Variants in ANO2 observed in about 807,000 individuals in gnomAD.
ANO2 encodes the protein anoctamin-2.
In ANO2, 101 loss-of-function variants were observed where a neutral mutation model predicts 124.2. The ratio of observed to expected loss-of-function variants is 0.81; its 90% CI spans 0.69 to 0.96. ANO2 has a LOEUF of 0.96. ANO2 is among the 40% of genes least tolerant of loss of function. The pLI is 0.00. For synonymous variants in ANO2, 486 were observed against 482.5 expected (o/e 1.01, Z -0.09); for missense variants, 1,293 against 1,274.5 (o/e 1.01, Z -0.22).
At chr12:5,660,256 C>A (rs993559756) in intron 14 of ANO2, among the ~76,000 whole-genome samples, 1 of 151,836 alleles carries the variant, frequency 6.6e-6, no homozygotes, top group Non-Finnish European at 1.5e-5. Context: ...TCTATACCAT[C>A]ATACGAACAT....
intron 3 of ANO2, among the ~76,000 whole-genome samples, chr12:5,878,300 G>C (rs1938245410): frequency 6.6e-6 from 1 of 152,208 alleles, no homozygotes; most frequent in South Asian, 2.1e-4. Flanking sequence ...GGCTCAGAGA[G>C]GTTGACTCAT....
At chr12:5,943,319 C>A (rs1942969263) in intron 1 of ANO2, among the ~76,000 whole-genome samples, 1 of 147,280 alleles carries the variant, frequency 6.8e-6, no homozygotes, top group South Asian at 2.1e-4. Context: ...GTGTGTAATA[C>A]TACTCGGCCA....
At chr12:5,580,666 C>A (rs952204352) in intron 20 of ANO2, among the ~76,000 whole-genome samples, 1 of 152,202 alleles carries the variant, frequency 6.6e-6, no homozygotes, top group Admixed American at 6.5e-5. Context: ...GAAAAAAATT[C>A]TGTTTCTACA....
chr12:5,599,672 C>T (rs369476042), intron 19 of ANO2, 43 bp from the exon 20 acceptor site: 2 of 1,601,994 alleles, frequency 1.2e-6, no homozygotes, highest in South Asian at 1.1e-5. Context: ...CTCTGGAGAA[C>T]AGGGTTGGTT....
At chr12:5,832,360 C>A (rs976401078) in intron 5 of ANO2, 92 bp downstream of exon 5, 20 of 1,472,268 alleles carry the variant, frequency 1.4e-5, no homozygotes, top group Non-Finnish European at 1.8e-5. Flanking sequence ...GGGGCACCCA[C>A]TTTGGGAGCC....
rs1952044280 is a variant in ANO2 at position 5,770,496 on chromosome 12, A to C, written c.1056-19526T>G. On this transcript the variant is annotated intron_variant, in intron 10 of 24. Transcript: ENST00000682330. The stretch of plus-strand genomic sequence containing the variant: ...TAGTTGCTCAGGACAAAAACATGGA[A>C]GTAATCATCTTTGGCTTTTTTAAAA... 2.0e-5 allele frequency among the ~76,000 whole-genome samples: 3 copies of C among 152,196 alleles called. No homozygotes were observed. The South Asian group carries it at 6.2e-4, about 32-fold the overall frequency.
At chr12:5,719,128 C>T (rs1215444462) in intron 14 of ANO2, among the ~76,000 whole-genome samples, 1 of 152,200 alleles carries the variant, frequency 6.6e-6, no homozygotes, top group Non-Finnish European at 1.5e-5. Context: ...ACCCTGATAC[C>T]GTTAGTGTCT....
At chr12:5,814,375 T>A (rs1399498449) in intron 7 of ANO2, among the ~76,000 whole-genome samples, 3 of 152,244 alleles carry the variant, frequency 2.0e-5, no homozygotes, top group Non-Finnish European at 1.5e-5. Context: ...GCCACCACCA[T>A]GTCTTCTGTG....
intron 3 of ANO2, among the ~76,000 whole-genome samples, chr12:5,920,643 AT>A (rs1941645972): frequency 6.6e-6 from 1 of 152,142 alleles, no homozygotes; most frequent in South Asian, 2.1e-4. Flanking sequence ...AGGATGCCAG[AT>A]CAGAAGGTCG....
chr12:5,848,934 T>C (rs1591691713), intron 4 of ANO2, among the ~76,000 whole-genome samples: 1 of 152,228 alleles, frequency 6.6e-6, no homozygotes, highest in South Asian at 2.1e-4. Context: ...TCATGTGTTG[T>C]GTGTGCCTCT....
At chr12:5,619,635 C>A (rs887104680) in intron 16 of ANO2, among the ~76,000 whole-genome samples, 1 of 152,162 alleles carries the variant, frequency 6.6e-6, no homozygotes, top group Admixed American at 6.5e-5. Context: ...AGGTCCTCTG[C>A]TCTCTCTATC....
intron 5 of ANO2, 79 bp from the exon 6 acceptor site, chr12:5,830,568 C>T: frequency 7.5e-7 from 1 of 1,341,884 alleles, no homozygotes; most frequent in Non-Finnish European, 1.0e-6. Flanking sequence ...AGACCCACAA[C>T]AAATCTTTAG....
At position 5,725,227 on chromosome 12, in the gene ANO2, G is replaced by A. The variant is rs111704509; in HGVS notation, c.1545+7293C>T. Among the ~76,000 whole-genome samples, 590 of 151,916 alleles carry A rather than the reference G, an allele frequency of 3.9e-3. 4 individuals carry two copies. The highest frequency in any genetic ancestry group is 0.013 in the African/African-American group (524 of 41,408). On this transcript the variant is annotated intron_variant, in intron 14 of 24. Transcript: ENST00000682330. ...GCCACTGACTCACTCTCACACACCC[G>A]CTCAAACACTCTCAACAGTTCAGGG...
intron 14 of ANO2, among the ~76,000 whole-genome samples, chr12:5,675,905 A>G (rs148575938): frequency 6.6e-6 from 1 of 152,286 alleles, no homozygotes; most frequent in Admixed American, 6.5e-5. Flanking sequence ...CCCTTCTGAG[A>G]CTGGGAGGCC....
chr12:5,626,171 C>T (rs189856063), intron 16 of ANO2, among the ~76,000 whole-genome samples: 1 of 152,158 alleles, frequency 6.6e-6, no homozygotes, highest in East Asian at 1.9e-4. Flanking sequence ...CTAGGAATCT[C>T]GCTGAGGGCC....
chr12:5,832,675 A>T, intron 4 of ANO2, 72 bp from the exon 5 acceptor site: 1 of 1,473,618 alleles, frequency 6.8e-7, no homozygotes, highest in Non-Finnish European at 9.1e-7. Flanking sequence ...CACAAAAAAA[A>T]GCTGCATGGA....
intron 14 of ANO2, among the ~76,000 whole-genome samples, chr12:5,720,737 C>G (rs536789944): frequency 3.0e-4 from 45 of 151,856 alleles, no homozygotes; most frequent in South Asian, 1.9e-3. Context: ...TCTCCTCCCC[C>G]ACTGCTCTCT....
intron 13 of ANO2, among the ~76,000 whole-genome samples, chr12:5,735,330 G>A (rs1250687420): frequency 6.6e-6 from 1 of 152,092 alleles, no homozygotes; most frequent in Non-Finnish European, 1.5e-5. Context: ...GGAGCCAGCT[G>A]GGAGGAAGAA....
chr12:5,714,871 G>C (rs1465726644), intron 14 of ANO2, among the ~76,000 whole-genome samples: 1 of 152,132 alleles, frequency 6.6e-6, no homozygotes, highest in South Asian at 2.1e-4. Context: ...CAAATTCAAA[G>C]AGCCCTATCA....
Sources: gnomAD v4.1 joint callset for allele counts (sites outside exome capture counted in the v4.1 genomes callset) on GRCh38, gnomAD v4.1.1 for gene constraint, MANE v1.5 for transcripts, NCBI Gene and HGNC (gene_info 2026-07-23, HGNC 2026-07-21) for gene names.